NEDD9: variants seen among roughly 807,000 people sequenced by gnomAD.
NEDD9 encodes enhancer of filamentation 1.
Under a neutral mutation model 76.6 loss-of-function variants are expected in NEDD9, and 26 were observed. The observed-to-expected ratio is 0.34, with a 90% confidence interval of 0.25 to 0.47. NEDD9 has a LOEUF of 0.47. Ranked by LOEUF, NEDD9 falls within the 20% of genes least tolerant of loss-of-function variation. The pLI is 1.00. For missense variants in NEDD9, 937 were observed against 1,058.5 expected, an observed-to-expected ratio of 0.89 and a Z score of 1.59; for synonymous variants, 392 against 414.2, an observed-to-expected ratio of 0.95 and a Z score of 0.65.
rs1366410371 is a variant in NEDD9, at chr6:11,241,328, A to G, written c.13-27601T>C. On this transcript the variant is annotated intron_variant, in intron 3 of 3. Transcript: ENST00000397378. The surrounding 1 kb of genome is among the most constrained non-coding windows in gnomAD (Gnocchi z 4.0). ...AGTCTTCCTGACTTCTCTGGCATAC[A>G]CTTTCTATGTGATGTCATGTGGTAT... Among the ~76,000 whole-genome samples, 1 of 152,108 alleles carries G rather than the reference A, an allele frequency of 6.6e-6. No individual in the cohort carries two copies. The highest frequency in any genetic ancestry group is 6.5e-5 in the Admixed American group (1 of 15,270).
chr6:11,225,936 T>A (rs753687169), intron 1 of NEDD9, among the ~76,000 whole-genome samples: 2 of 151,546 alleles, frequency 1.3e-5, no homozygotes, highest in African/African-American at 2.4e-5. Context: ...ACGTCAACCA[T>A]GAAAAACTGC....
intron 3 of NEDD9, among the ~76,000 whole-genome samples, chr6:11,238,687 T>C (rs1441045334): frequency 1.3e-5 from 2 of 152,190 alleles, no homozygotes; most frequent in Non-Finnish European, 2.9e-5. Flanking sequence ...AATCTCTCCA[T>C]TGTTGCTCTC....
At chr6:11,215,726 A>G (rs1029003294) in intron 1 of NEDD9, among the ~76,000 whole-genome samples, 5 of 152,180 alleles carry the variant, frequency 3.3e-5, no homozygotes, top group Non-Finnish European at 7.4e-5. Flanking sequence ...GGAAGCCCCC[A>G]CATGAAATCA....
intron 1 of NEDD9, among the ~76,000 whole-genome samples, chr6:11,348,915 T>C (rs1200141505): frequency 6.6e-6 from 1 of 152,034 alleles, no homozygotes; most frequent in East Asian, 1.9e-4. Flanking sequence ...AAAGCAAAAA[T>C]TGACAAATGG....
At chr6:11,339,869 A>G (rs1240356194) in intron 1 of NEDD9, among the ~76,000 whole-genome samples, 1 of 152,218 alleles carries the variant, frequency 6.6e-6, no homozygotes, top group Non-Finnish European at 1.5e-5. Flanking sequence ...TTTGTCATCT[A>G]ATTTCCAAAA....
chr6:11,321,378 C>A (rs1761798644), intron 2 of NEDD9, among the ~76,000 whole-genome samples: 1 of 152,180 alleles, frequency 6.6e-6, no homozygotes, highest in Admixed American at 6.5e-5. Context: ...TGAGTGAAAA[C>A]CTGTGTGCGT....
chr6:11,205,929 A>G (rs1257016855), intron 2 of NEDD9, among the ~76,000 whole-genome samples: 2 of 152,192 alleles, frequency 1.3e-5, no homozygotes, highest in African/African-American at 2.4e-5. Flanking sequence ...CGCCCGACCT[A>G]CATCCGACTT....
intron 2 of NEDD9, among the ~76,000 whole-genome samples, chr6:11,210,254 G>A (rs953267505): frequency 2.6e-5 from 4 of 152,070 alleles, no homozygotes; most frequent in Non-Finnish European, 5.9e-5. Flanking sequence ...GGAAAGACCT[G>A]GGAATCTGCA....
At chr6:11,238,454 GAC>G (rs1414759730) in intron 3 of NEDD9, among the ~76,000 whole-genome samples, 1 of 152,228 alleles carries the variant, frequency 6.6e-6, no homozygotes, top group East Asian at 1.9e-4. Flanking sequence ...ACCCTCGTGG[GAC>G]TAAGCTCAAC....
chr6:11,322,647 A>G (rs1761835157), intron 2 of NEDD9, among the ~76,000 whole-genome samples: 1 of 152,044 alleles, frequency 6.6e-6, no homozygotes, highest in South Asian at 2.1e-4. Context: ...TCCTTCCCTG[A>G]TGGTTTGCCA....
rs147764448 is a variant in NEDD9, at chr6:11,213,647, G to A, written c.93C>T (p.Thr31=). The A allele has an allele frequency of 2.9e-5, 46 of 1,613,970 alleles. No homozygotes were observed. The highest frequency in any genetic ancestry group is 3.6e-5 in the Non-Finnish European group (42 of 1,180,014). The change falls in exon 2 of 7, where the codon ACC becomes ACT. Residue 31 remains threonine (T), a synonymous_variant. Coordinates refer to ENST00000379446, the MANE Select transcript of NEDD9 (RefSeq NM_006403.4). The surrounding 1 kb of genome is among the most constrained non-coding windows in gnomAD (Gnocchi z 5.4). The part of the protein sequence containing the change: ...ELAFRKGDIL[T]VIEQNTGGLE... ...GTCCCCCTGTGTTCTGCTCTATGAC[G>A]GTCAGGATGTCTCCCTTGCGAAAGG...
intron 1 of NEDD9, among the ~76,000 whole-genome samples, chr6:11,362,640 G>A (rs914309015): frequency 5.9e-5 from 9 of 152,064 alleles, no homozygotes; most frequent in Non-Finnish European, 8.8e-5. Flanking sequence ...GGAGATATTT[G>A]TGTAGGTGTC....
At chr6:11,290,686 A>G (rs1393445149) in intron 3 of NEDD9, among the ~76,000 whole-genome samples, 2 of 152,172 alleles carry the variant, frequency 1.3e-5, no homozygotes, top group Non-Finnish European at 2.9e-5. Context: ...ATTAATTGGA[A>G]TTAATAAGGG....
At chr6:11,218,961 A>T (rs1354774540) in intron 1 of NEDD9, among the ~76,000 whole-genome samples, 1 of 152,208 alleles carries the variant, frequency 6.6e-6, no homozygotes. Context: ...GAGATTAAAC[A>T]CAATGGTCTC....
Position 11,280,518 on chromosome 6 carries a change from G to A in NEDD9, c.12+25474C>T, listed in dbSNP as rs531501895. The stretch of plus-strand genomic sequence containing the variant: ...CTGGGTGTCTTCCATTTGCTCCTCC[G>A]GTGCCATCTCCACCCTCTTCTCCCC... On this transcript the variant is annotated intron_variant, in intron 3 of 3. Transcript: ENST00000397378. Among the ~76,000 whole-genome samples, 24 of 152,276 alleles carry A rather than the reference G, an allele frequency of 1.6e-4. No individual in the cohort carries two copies. In the East Asian group the frequency reaches 4.4e-3, roughly 28 times the overall value.
chr6:11,346,904 G>C (rs1419312327), intron 1 of NEDD9, among the ~76,000 whole-genome samples: 1 of 152,144 alleles, frequency 6.6e-6, no homozygotes, highest in East Asian at 1.9e-4. Flanking sequence ...CCTGAAATTT[G>C]TGTTGTGAAA....
intron 3 of NEDD9, among the ~76,000 whole-genome samples, chr6:11,242,145 C>T (rs998033339): frequency 6.6e-6 from 1 of 152,146 alleles, no homozygotes; most frequent in East Asian, 1.9e-4. Flanking sequence ...GGAGTATGGA[C>T]GGAGCATTCC....
intron 3 of NEDD9, among the ~76,000 whole-genome samples, chr6:11,247,365 C>T (rs893587119): frequency 6.6e-6 from 1 of 152,168 alleles, no homozygotes; most frequent in Non-Finnish European, 1.5e-5. Flanking sequence ...TAATGCTGCC[C>T]CGCCTTTCAT....
chr6:11,289,410 T>A (rs971841169), intron 3 of NEDD9, among the ~76,000 whole-genome samples: 2 of 152,212 alleles, frequency 1.3e-5, no homozygotes, highest in African/African-American at 4.8e-5. Context: ...TCAGGTTAAA[T>A]CAGCACCATA....
Sources: gnomAD v4.1 joint callset for allele counts (sites outside exome capture counted in the v4.1 genomes callset) on GRCh38, gnomAD v4.1.1 for gene constraint, Gnocchi (gnomAD v3.1) non-coding constraint, MANE v1.5 for transcripts, NCBI Gene and HGNC (gene_info 2026-07-23, HGNC 2026-07-21) for gene names.